Variants in GPR157 observed in about 807,000 individuals in gnomAD.
The protein encoded by GPR157 is G-protein coupled receptor 157.
GPR157 carries 16 observed loss-of-function variants against 23.5 expected under a neutral mutation model. The observed-to-expected ratio is 0.68, with a 90% CI of 0.46 to 1.04. The LOEUF (loss-of-function observed/expected upper bound fraction) is 1.04. Among genes scored for constraint, GPR157 ranks in the 50% least tolerant of loss-of-function variants. The pLI is 0.00. For synonymous variants in GPR157, 200 were observed against 221.5 expected (o/e 0.90, Z 0.86); for missense variants, 440 against 460.7 (o/e 0.96, Z 0.41).
chr1:9,124,544 G>A (rs889265986), intron 1 of GPR157, among the ~76,000 whole-genome samples: 1 of 152,172 alleles, frequency 6.6e-6, no homozygotes, highest in African/African-American at 2.4e-5. Flanking sequence ...GACTCATGGG[G>A]TGTGCCTGTC....
chr1:9,107,033 G>A (rs760075416), intron 2 of GPR157, among the ~76,000 whole-genome samples: 8 of 152,100 alleles, frequency 5.3e-5, no homozygotes, highest in Non-Finnish European at 8.8e-5. Flanking sequence ...CCATCCTCAC[G>A]TTCCGCTTTT....
Position 9,123,681 on chromosome 1 carries a change from A to G in GPR157, c.383+4964T>C, listed in dbSNP as rs1180616622. Among the ~76,000 whole-genome samples, 8 of 116,484 alleles carry G rather than the reference A, an allele frequency of 6.9e-5. No individual in the cohort carries two copies. The South Asian group carries it at 6.9e-4, about 10-fold the overall frequency. 76.4% of individuals were successfully genotyped at this position (116,484 alleles called of 152,430 possible). ...ATTAAATATATATTTAATATTAAAT[A>G]TATATTTAATATATATTTAATTTTA... On this transcript the variant is annotated intron_variant, in intron 1 of 3. Coordinates refer to ENST00000377411, the MANE Select transcript of GPR157 (RefSeq NM_024980.5).
At chr1:9,123,939 T>A (rs909329166) in intron 1 of GPR157, among the ~76,000 whole-genome samples, 19 of 150,952 alleles carry the variant, frequency 1.3e-4, no homozygotes, top group African/African-American at 4.6e-4. Context: ...AGTGATCCTC[T>A]CATCTCAGCC....
rs1639033320 is a variant in GPR157 at position 9,128,947 on chromosome 1, G to A, written c.81C>T (p.Leu27=). The A allele has an allele frequency of 1.3e-6, 2 of 1,505,260 alleles. No individual in the cohort carries two copies. Among genetic ancestry groups the A allele is most frequent in the East Asian group, 2.5e-5 (1 of 40,294 alleles). 93.2% of individuals were successfully genotyped at this position (1,505,260 alleles called of 1,614,324 possible). A position where few individuals can be genotyped will look rare whatever the true frequency, so the allele number is the denominator to read the frequency against. The change falls in exon 1 of 4, where the codon CTC becomes CTT. Residue 27 remains leucine, a synonymous_variant. Coordinates refer to ENST00000377411, the MANE Select transcript of GPR157 (RefSeq NM_024980.5). The surrounding 1 kb of genome is among the most constrained non-coding windows in gnomAD (Gnocchi z 6.3). ...VVLLSCALSA[L]GSGLLVATHA... Reference sequence around the variant, plus strand: ...GCGTGGCCACCAGCAGGCCCGAGCCGAGCGCGGAGAGTGCGCACGACAGCA... The same window carrying A: ...GCGTGGCCACCAGCAGGCCCGAGCCAAGCGCGGAGAGTGCGCACGACAGCA...
At chr1:9,122,564 A>C (rs1411711325) in intron 1 of GPR157, among the ~76,000 whole-genome samples, 1 of 152,168 alleles carries the variant, frequency 6.6e-6, no homozygotes, top group Non-Finnish European at 1.5e-5. Flanking sequence ...CAGTAAGGGA[A>C]TATGTCCAAG....
chr1:9,100,513 A>C lies in GPR157; in HGVS notation c.*3906T>G, dbSNP rs1642553732. ...GGGCCAAATAATCATCTTTATTTAA[A>C]AACAAAACAGAACAAACAAACCAAA... On this transcript the variant is annotated 3_prime_UTR_variant, in exon 4 of 4. Coordinates refer to ENST00000377411, the MANE Select transcript of GPR157 (RefSeq NM_024980.5). 1 of 152,214 alleles carries C rather than the reference A, an allele frequency of 6.6e-6. No homozygotes were observed. The highest frequency in any genetic ancestry group is 2.4e-5 in the African/African-American group (1 of 41,456). The allele number at this position is 152,214 out of a possible 1,614,324, so 9.4% of individuals were successfully genotyped here. A position where few individuals can be genotyped will look rare whatever the true frequency, so the allele number is the denominator to read the frequency against.
rs70985592 is a variant in GPR157, at chr1:9,116,357, TA to T, written c.384-4869del. Reference sequence around the variant, plus strand: ...TATATAATTTATATATAATTATATATAAATTATATATATATATATTTTTTCA... The same window carrying T: ...TATATAATTTATATATAATTATATATAATTATATATATATATATTTTTTCA... On this transcript the variant is annotated intron_variant, in intron 1 of 3. Transcript: ENST00000377411. 8.4e-3 allele frequency among the ~76,000 whole-genome samples: 63 copies of T among 7,462 alleles called. 1 individual carries two copies. The highest frequency in any genetic ancestry group is 0.012 in the Non-Finnish European group (57 of 4,798). 4.9% of individuals were successfully genotyped at this position (7,462 alleles called of 152,430 possible).
intron 1 of GPR157, among the ~76,000 whole-genome samples, chr1:9,124,733 T>C (rs1251318117): frequency 6.6e-6 from 1 of 152,250 alleles, no homozygotes. Context: ...CTGTTACTGC[T>C]GATTAATATC....
At chr1:9,119,196 C>A (rs1427991319) in intron 1 of GPR157, among the ~76,000 whole-genome samples, 1 of 152,112 alleles carries the variant, frequency 6.6e-6, no homozygotes, top group Non-Finnish European at 1.5e-5. Context: ...TTACACCCAG[C>A]TAATTTTTGT....
intron 1 of GPR157, among the ~76,000 whole-genome samples, chr1:9,114,331 A>AAG (rs1279487582): frequency 3.3e-5 from 5 of 151,478 alleles, no homozygotes; most frequent in African/African-American, 1.2e-4. Context: ...TGTCTCAAAA[A>AAG]AAAAAAAAAA....
At position 9,116,327 on chromosome 1, in the gene GPR157, A is replaced by ATTTATAT. The variant is rs1195678344; in HGVS notation, c.384-4839_384-4838insATATAAA. Among the ~76,000 whole-genome samples, 18 of 12,346 alleles carry ATTTATAT rather than the reference A, an allele frequency of 1.5e-3. 4 individuals are homozygous for ATTTATAT. The highest frequency in any genetic ancestry group is 5.7e-3 in the Admixed American group (3 of 530). The allele number at this position is 12,346 out of a possible 152,430, so 8.1% of individuals were successfully genotyped here. Reference sequence around the variant, plus strand: ...TATTATATTATATATAATATATATAAATTATATATAATTTATATATAATTA... The same window carrying ATTTATAT: ...TATTATATTATATATAATATATATAATTTATATATTATATATAATTTATATATAATTA... On this transcript the variant is annotated intron_variant, in intron 1 of 3. Transcript: ENST00000377411.
At chr1:9,114,035 G>C (rs1363003975) in intron 1 of GPR157, among the ~76,000 whole-genome samples, 1 of 144,564 alleles carries the variant, frequency 6.9e-6, no homozygotes, top group African/African-American at 2.6e-5. Flanking sequence ...TAAAACTCAT[G>C]ACAGGCCAGG....
chr1:9,114,069 C>T (rs1414536860), intron 1 of GPR157, among the ~76,000 whole-genome samples: 2 of 151,504 alleles, frequency 1.3e-5, no homozygotes. Flanking sequence ...GCCCGAATCC[C>T]AGGACTTTTG....
intron 2 of GPR157, among the ~76,000 whole-genome samples, chr1:9,110,596 C>T (rs1344861932): frequency 3.3e-5 from 5 of 152,182 alleles, no homozygotes; most frequent in African/African-American, 1.2e-4. Flanking sequence ...ATGGGTTAAT[C>T]TGTGGCCTTT....
intron 3 of GPR157, 103 bp from the exon 4 acceptor site, chr1:9,104,737 A>C: frequency 2.5e-5 from 20 of 809,760 alleles, no homozygotes; most frequent in South Asian, 3.4e-5. Context: ...GCGGTGGCTC[A>C]CACCTGTAAT....
intron 1 of GPR157, among the ~76,000 whole-genome samples, chr1:9,113,838 G>C (rs181857852): frequency 3.3e-4 from 50 of 151,674 alleles, no homozygotes; most frequent in African/African-American, 1.2e-3. Flanking sequence ...AGCTACTTGG[G>C]AGCCTGAGGC....
rs1639015666 is a variant in GPR157 at position 9,128,561 on chromosome 1, T to A, written c.383+84A>T. 3.7e-6 allele frequency: 5 copies of A among 1,341,946 alleles called. No individual in the cohort carries two copies. The East Asian group carries it at 1.2e-4, about 32-fold the overall frequency. 83.1% of individuals were successfully genotyped at this position (1,341,946 alleles called of 1,614,324 possible). ...TGCTGTGGGTAGGGGGTGTCCAACC[T>A]AGACGCGGCCTCTGGGAGGGCAAGA... On this transcript the variant is annotated intron_variant, in intron 1 of 3. Transcript: ENST00000377411. The surrounding 1 kb of genome is among the most constrained non-coding windows in gnomAD (Gnocchi z 6.3).
At chr1:9,112,212 C>G (rs1638526704) in intron 1 of GPR157, among the ~76,000 whole-genome samples, 2 of 152,334 alleles carry the variant, frequency 1.3e-5, no homozygotes, top group East Asian at 3.9e-4. Context: ...TCAGCGCCCC[C>G]TGGTCAGCCC....
At position 9,118,830 on chromosome 1, in the gene GPR157, T is replaced by C. The variant is rs1362533506; in HGVS notation, c.384-7341A>G. ...AAGGATCACTTGAACCCAGGAGAGTTTGAGACCAGCCTGGGCAACAAAGTG... is the reference window on the plus strand; with the variant it reads ...AAGGATCACTTGAACCCAGGAGAGTCTGAGACCAGCCTGGGCAACAAAGTG... On this transcript the variant is annotated intron_variant, in intron 1 of 3. Transcript: ENST00000377411. This position sits in a 1 kb window ranked among gnomAD's most constrained non-coding sequence, Gnocchi z 4.6. Among the ~76,000 whole-genome samples, 1 of 151,942 alleles carries C rather than the reference T, an allele frequency of 6.6e-6. No homozygotes were observed. The highest frequency in any genetic ancestry group is 1.5e-5 in the Non-Finnish European group (1 of 67,974).
Sources: gnomAD v4.1 joint callset for allele counts (sites outside exome capture counted in the v4.1 genomes callset) on GRCh38, gnomAD v4.1.1 for gene constraint, Gnocchi (gnomAD v3.1) non-coding constraint, MANE v1.5 for transcripts, NCBI Gene and HGNC (gene_info 2026-07-23, HGNC 2026-07-21) for gene names.